GRPEL2: variants seen among roughly 807,000 people sequenced by gnomAD.
GRPEL2 encodes the protein grpE protein homolog 2, mitochondrial.
GRPEL2 carries 18 observed loss-of-function variants against 25.9 expected under a neutral mutation model. That is an observed-to-expected ratio of 0.70 (90% confidence interval 0.48 to 1.03). GRPEL2 has a LOEUF of 1.03. Ranked by LOEUF, GRPEL2 falls within the 50% of genes least tolerant of loss-of-function variation. The probability of loss-of-function intolerance (pLI) is 0.00; values close to 1 mark genes in which losing one functional copy is unlikely to be tolerated. For missense variants in GRPEL2, 247 were observed against 276.2 expected (o/e 0.89, Z 0.75); for synonymous variants, 106 against 107.9 (o/e 0.98, Z 0.11).
rs750216490 is a variant in GRPEL2 at position 149,350,956 on chromosome 5, G to A, written c.352G>A (p.Asp118Asn). 6.2e-7 allele frequency: 1 copy of A among 1,614,058 alleles called. No individual in the cohort carries two copies. The highest frequency in any genetic ancestry group is 8.5e-7 in the Non-Finnish European group (1 of 1,179,882). Reference protein sequence around the residue: ...SFCKDLVEVADILEKTTECIS... With the variant: ...SFCKDLVEVANILEKTTECIS... ...CTGTAAGGACTTGGTGGAGGTGGCT[G>A]ACATTTTGGAGAAGACTACAGAGTG... is the stretch of plus-strand genomic sequence containing the variant. Residue 118 changes from aspartate to asparagine, a missense_variant, in exon 4 of 4, where the codon GAC becomes AAC. Around this residue, in one of 2 missense-constraint regions of GRPEL2, gnomAD observed 122 missense variants for 169.2 expected, o/e 0.72. Transcript: ENST00000329271.
chr5:149,345,785 A>G (rs1450529735), intron 1 of GRPEL2, 169 bp downstream of exon 1: 1 of 621,182 alleles, frequency 1.6e-6, no homozygotes, highest in Non-Finnish European at 2.9e-6. Context: ...AGACGGGGAA[A>G]CTGAGGCCAT....
At chr5:149,348,573 T>C in intron 2 of GRPEL2, 148 bp downstream of exon 2, 1 of 630,108 alleles carries the variant, frequency 1.6e-6, no homozygotes, top group Non-Finnish European at 2.7e-6. Context: ...TTGCTAGGTA[T>C]ACTGGGCAGA....
In GRPEL2 at chr5:149,353,902, C is replaced by T. The variant is rs1237718950; in HGVS notation, c.*2620C>T. 2.0e-5 allele frequency: 3 copies of T among 152,292 alleles called. No individual in the cohort carries two copies. The highest frequency in any genetic ancestry group is 2.9e-5 in the Non-Finnish European group (2 of 68,034). The allele number at this position is 152,292 out of a possible 1,614,324, so 9.4% of individuals were successfully genotyped here. The stretch of plus-strand genomic sequence containing the variant: ...GACTTTAGGCACCAGTGATTTCACC[C>T]TTCTGAGCCTGTTTCTTTATTCGTA... On this transcript the variant is annotated 3_prime_UTR_variant, in exon 4 of 4. Coordinates refer to ENST00000329271, the MANE Select transcript of GRPEL2 (RefSeq NM_152407.4).
chr5:149,351,135 G>T lies in GRPEL2; in HGVS notation c.531G>T (p.Glu177Asp), dbSNP rs986542256. ...TTGGTGACAAATATGACCCCCATGA[G>T]CATGAACTCATCTGTCATGTGCCAG... The part of the protein sequence containing the change: ...TPIGDKYDPH[E>D]HELICHVPAG... The change falls in exon 4 of 4, where the codon GAG becomes GAT. Residue 177 changes from glutamate to aspartate, a missense_variant. By Grantham distance (45) the Glu-to-Asp change is conservative. Transcript: ENST00000329271. 3 of 1,614,090 alleles carry T rather than the reference G, an allele frequency of 1.9e-6. No individual in the cohort carries two copies. The highest frequency in any genetic ancestry group is 2.5e-6 in the Non-Finnish European group (3 of 1,180,050).
rs181917793 is a variant in GRPEL2, at chr5:149,348,541, C to A, written c.231+116C>A. On this transcript the variant is annotated intron_variant, in intron 2 of 3. Transcript: ENST00000329271. ...TCTTTAATTGGCTCTTTATCTGCTA[C>A]CCCTCATCCCTCCTCCACTCCTTGC... The A allele has an allele frequency of 2.0e-4, 159 of 794,896 alleles. No individual in the cohort carries two copies. The African/African-American group carries it at 2.3e-3, about 12-fold the overall frequency. 49.2% of individuals were successfully genotyped at this position (794,896 alleles called of 1,614,324 possible).
At chr5:149,345,765 C>T in intron 1 of GRPEL2, 149 bp downstream of exon 1, 2 of 648,766 alleles carry the variant, frequency 3.1e-6, no homozygotes, top group Non-Finnish European at 5.4e-6. Flanking sequence ...CACTCACGGC[C>T]CCATTTTACA....
intron 3 of GRPEL2, chr5:149,349,951 C>A: frequency 1.8e-6 from 1 of 548,618 alleles, no homozygotes; most frequent in South Asian, 2.5e-5. Context: ...GGCTGAGGCA[C>A]GAGAATCACT....
In GRPEL2 at chr5:149,350,953, G is replaced by T; in HGVS notation, c.349G>T (p.Ala117Ser). 1 of 1,613,960 alleles carries T rather than the reference G, an allele frequency of 6.2e-7. No individual in the cohort carries two copies. The highest frequency in any genetic ancestry group is 1.1e-5 in the South Asian group (1 of 91,080). The change falls in exon 4 of 4, where the codon GCT becomes TCT. Residue 117 changes from alanine to serine, a missense_variant. Physicochemically the swap from Ala to Ser is moderately conservative, Grantham distance 99. Transcript: ENST00000329271. Reference protein sequence around the residue: ...QSFCKDLVEVADILEKTTECI... With the variant: ...QSFCKDLVEVSDILEKTTECI... ...TTTCTGTAAGGACTTGGTGGAGGTGGCTGACATTTTGGAGAAGACTACAGA... is the reference window on the plus strand; with the variant it reads ...TTTCTGTAAGGACTTGGTGGAGGTGTCTGACATTTTGGAGAAGACTACAGA...
At position 149,350,983 on chromosome 5, in the gene GRPEL2, A is replaced by C. The variant is rs780855527; in HGVS notation, c.379A>C (p.Ile127Leu). The C allele has an allele frequency of 1.9e-6, 3 of 1,614,206 alleles. No homozygotes were observed. In the East Asian group the frequency reaches 6.7e-5, roughly 36 times the overall value. The change falls in exon 4 of 4, where the codon ATT becomes CTT. Residue 127 changes from isoleucine to leucine, a missense_variant. By Grantham distance (5) the Ile-to-Leu change is conservative. This residue lies in a region of GRPEL2 where 122 missense variants were observed against 169.2 expected (regional missense o/e 0.72). Coordinates refer to ENST00000329271, the MANE Select transcript of GRPEL2 (RefSeq NM_152407.4). ...ADILEKTTEC[I>L]SEESEPEDQK... is the part of the protein sequence containing the mutation. ...CATTTTGGAGAAGACTACAGAGTGCATTTCTGAAGAATCGGAGCCTGAGGA... is the reference window on the plus strand; with the variant it reads ...CATTTTGGAGAAGACTACAGAGTGCCTTTCTGAAGAATCGGAGCCTGAGGA...
rs748750412 is a variant in GRPEL2 at position 149,345,600 on chromosome 5, G to T, written c.61G>T (p.Ala21Ser). ...GGTGCAGCGCCTACTGGCCTGGAGT[G>T]CCGCGTGGGAGAGCAAGTAAGCATT... is the stretch of plus-strand genomic sequence containing the variant. ...LRVQRLLAWS[A>S]AWESKGWPLP... The change falls in exon 1 of 4, where the codon GCC becomes TCC. Residue 21 changes from alanine to serine, a missense_variant. Physicochemically the swap from Ala to Ser is moderately conservative, Grantham distance 99. Around this residue, in one of 2 missense-constraint regions of GRPEL2, gnomAD observed 125 missense variants for 107.0 expected, o/e 1.17. Coordinates refer to ENST00000329271, the MANE Select transcript of GRPEL2 (RefSeq NM_152407.4). 2 of 1,610,628 alleles carry T rather than the reference G, an allele frequency of 1.2e-6. No individual in the cohort carries two copies. Among genetic ancestry groups the T allele is most frequent in the Admixed American group, 3.3e-5 (2 of 59,724 alleles).
At position 149,351,387 on chromosome 5, in the gene GRPEL2, T is replaced by C. The variant is rs1036798388; in HGVS notation, c.*105T>C. 8.0e-6 allele frequency: 10 copies of C among 1,251,610 alleles called. No individual in the cohort carries two copies. Among genetic ancestry groups the C allele is most frequent in the Non-Finnish European group, 1.1e-5 (10 of 909,852 alleles). 77.5% of individuals were successfully genotyped at this position (1,251,610 alleles called of 1,614,324 possible). On this transcript the variant is annotated 3_prime_UTR_variant, in exon 4 of 4. Coordinates refer to ENST00000329271, the MANE Select transcript of GRPEL2 (RefSeq NM_152407.4). ...TACATGAGGTACTTCATGTGATATG[T>C]TTTGGATTTAGTCATATTGGCTTTA...
chr5:149,348,960 G>C (rs1236244513), intron 2 of GRPEL2, among the ~76,000 whole-genome samples: 1 of 152,078 alleles, frequency 6.6e-6, no homozygotes, highest in Non-Finnish European at 1.5e-5. Context: ...AAGGACTAAA[G>C]AGGGTAAAAT....
Position 149,350,142 on chromosome 5 carries a change from C to A in GRPEL2, c.313+407C>A, listed in dbSNP as rs116659651. ...TGTCCCTGGATTAAAGTCAGATTAA[C>A]AAAGTCCTTGACTCTCACCAGCCCC... On this transcript the variant is annotated intron_variant, in intron 3 of 3. Transcript: ENST00000329271. Among the ~76,000 whole-genome samples, 1,028 of 152,308 alleles carry A rather than the reference C, an allele frequency of 6.7e-3. 16 individuals are homozygous for A. Among genetic ancestry groups the A allele is most frequent in the African/African-American group, 0.024 (997 of 41,572 alleles).
chr5:149,347,778 C>T (rs957827033), intron 1 of GRPEL2, among the ~76,000 whole-genome samples: 1 of 152,156 alleles, frequency 6.6e-6, no homozygotes, highest in African/African-American at 2.4e-5. Context: ...CCTTAAGGTC[C>T]CTTTACTGGA....
At position 149,348,460 on chromosome 5, in the gene GRPEL2, T is replaced by C. The variant is rs1277232225; in HGVS notation, c.231+35T>C. The C allele has an allele frequency of 3.3e-6, 5 of 1,525,328 alleles. No individual in the cohort carries two copies. The South Asian group carries it at 3.7e-5, about 11-fold the overall frequency. The allele number at this position is 1,525,328 out of a possible 1,614,324, so 94.5% of individuals were successfully genotyped here. A position where few individuals can be genotyped will look rare whatever the true frequency, so the allele number is the denominator to read the frequency against. Reference sequence around the variant, plus strand: ...TTTTATATTTCTTCTTCATATCCTCTCTCTAGTTTAAATATCCACATAAAG... The same window carrying C: ...TTTTATATTTCTTCTTCATATCCTCCCTCTAGTTTAAATATCCACATAAAG... On this transcript the variant is annotated intron_variant, in intron 2 of 3. Coordinates refer to ENST00000329271, the MANE Select transcript of GRPEL2 (RefSeq NM_152407.4).
At chr5:149,350,285 T>A (rs974779714) in intron 3 of GRPEL2, among the ~76,000 whole-genome samples, 22 of 152,206 alleles carry the variant, frequency 1.4e-4, no homozygotes, top group African/African-American at 4.6e-4. Context: ...ACAACTGAAT[T>A]TACTTTTGTC....
intron 1 of GRPEL2, 55 bp from the exon 2 acceptor site, chr5:149,348,217 A>G: frequency 1.3e-6 from 2 of 1,504,432 alleles, no homozygotes; most frequent in Non-Finnish European, 1.8e-6. Context: ...ACTTGGTTGT[A>G]ATTTTGGCTT....
chr5:149,348,029 C>G, intron 1 of GRPEL2: 1 of 372,728 alleles, frequency 2.7e-6, no homozygotes, highest in Non-Finnish European at 4.8e-6. Flanking sequence ...CATCAGTTTT[C>G]TCATCTGTAA....
At chr5:149,349,330 T>C (rs571410176) in intron 2 of GRPEL2, among the ~76,000 whole-genome samples, 1 of 152,328 alleles carries the variant, frequency 6.6e-6, no homozygotes, top group East Asian at 1.9e-4. Context: ...TTCTCAGTTA[T>C]CCTTAAGTTC....
Sources: gnomAD v4.1 joint callset for allele counts (sites outside exome capture counted in the v4.1 genomes callset) on GRCh38, gnomAD v4.1.1 for gene constraint, gnomAD v4.1.1 regional missense constraint, MANE v1.5 for transcripts, NCBI Gene and HGNC (gene_info 2026-07-23, HGNC 2026-07-21) for gene names.